Variants in IKZF1 observed in about 807,000 individuals in gnomAD.
IKZF1 encodes the protein IKAROS family zinc finger 1.
In IKZF1, 10 loss-of-function variants were observed where a neutral mutation model predicts 51.7. That is an observed-to-expected ratio of 0.19 (90% CI 0.12 to 0.33). The LOEUF is 0.33. Ranked by LOEUF, IKZF1 falls within the 10% of genes least tolerant of loss-of-function variation. The pLI is 1.00. For synonymous variants in IKZF1, 280 were observed against 282.3 expected, an observed-to-expected ratio of 0.99 and a Z score of 0.08; for missense variants, 484 against 707.5, an observed-to-expected ratio of 0.68 and a Z score of 3.58.
At chr7:50,353,454 G>A (rs2153433640) in intron 3 of IKZF1, among the ~76,000 whole-genome samples, 1 of 152,344 alleles carries the variant, frequency 6.6e-6, no homozygotes, top group Middle Eastern at 3.4e-3. Context: ...TTGTGGCCCT[G>A]TGAGGGAGAA....
At chr7:50,329,773 C>G (rs974156704) in intron 3 of IKZF1, among the ~76,000 whole-genome samples, 2 of 152,150 alleles carry the variant, frequency 1.3e-5, no homozygotes, top group African/African-American at 4.8e-5. Context: ...ATCCATTAAC[C>G]ATGTAAATGA....
At chr7:50,392,398 G>A (rs6964823) in intron 7 of IKZF1, among the ~76,000 whole-genome samples, 67,467 of 151,110 alleles carry the variant, frequency 0.45, 15,201 homozygotes, top group Non-Finnish European at 0.5. Context: ...TAAAAAAAAA[G>A]AAGAAGAAGA....
At chr7:50,343,409 A>T (rs1008853133) in intron 3 of IKZF1, among the ~76,000 whole-genome samples, 1 of 152,122 alleles carries the variant, frequency 6.6e-6, no homozygotes, top group Non-Finnish European at 1.5e-5. Context: ...TCTACAAGAC[A>T]TAGAGAAATG....
At chr7:50,367,784 A>G in intron 3 of IKZF1, 1 of 530,870 alleles carries the variant, frequency 1.9e-6, no homozygotes. Flanking sequence ...TTTATGGGAT[A>G]TAATGCTGTG....
intron 7 of IKZF1, among the ~76,000 whole-genome samples, chr7:50,395,064 GTTATA>G (rs990082577): frequency 6.6e-6 from 1 of 152,152 alleles, no homozygotes; most frequent in African/African-American, 2.4e-5. Flanking sequence ...AAGAAACCCT[GTTATA>G]TTGTTAAAAT....
At chr7:50,306,922 C>T (rs141274978) in intron 1 of IKZF1, among the ~76,000 whole-genome samples, 3 of 152,308 alleles carry the variant, frequency 2.0e-5, no homozygotes, top group South Asian at 4.1e-4. Context: ...CTTATACACA[C>T]ACTTCAAGAT....
intron 2 of IKZF1, 52 bp downstream of exon 2, chr7:50,319,153 G>A: frequency 6.6e-7 from 1 of 1,524,124 alleles, no homozygotes; most frequent in Non-Finnish European, 9.1e-7. Context: ...AAGCTTCCCT[G>A]GGGCCGGAAG....
chr7:50,389,738 T>C (rs894077325), intron 6 of IKZF1, among the ~76,000 whole-genome samples: 3 of 152,214 alleles, frequency 2.0e-5, no homozygotes, highest in African/African-American at 7.2e-5. Flanking sequence ...AAAAGGACTT[T>C]GACAGAAGTC....
chr7:50,337,513 T>G lies in IKZF1; in HGVS notation c.160+9756T>G, dbSNP rs969043557. 4.0e-3 allele frequency among the ~76,000 whole-genome samples: 602 copies of G among 152,246 alleles called. 12 individuals are homozygous for G. The East Asian group carries it at 0.048, about 12-fold the overall frequency. On this transcript the variant is annotated intron_variant, in intron 3 of 7. Coordinates refer to ENST00000331340, the MANE Select transcript of IKZF1 (RefSeq NM_006060.6). ...AGCACTGTTGCTCCTTGCCCTGCCT[T>G]ATAGCAGCAACGTCACCACTCGTAG...
chr7:50,361,639 A>G (rs887373108), intron 3 of IKZF1, among the ~76,000 whole-genome samples: 3 of 152,196 alleles, frequency 2.0e-5, no homozygotes, highest in Non-Finnish European at 4.4e-5. Context: ...GCACTTTGGG[A>G]GGCCGAGGTG....
chr7:50,319,302 G>T (rs1792470026), intron 2 of IKZF1, among the ~76,000 whole-genome samples: 1 of 151,948 alleles, frequency 6.6e-6, no homozygotes, highest in Non-Finnish European at 1.5e-5. Flanking sequence ...CCTCCAAGAT[G>T]AAATTAGTTT....
Position 50,376,900 on chromosome 7 carries a change from C to G in IKZF1, c.421+107C>G, listed in dbSNP as rs1480768558. 5.3e-6 allele frequency: 8 copies of G among 1,495,842 alleles called. No individual in the cohort carries two copies. The highest frequency in any genetic ancestry group is 2.3e-4 in the Middle Eastern group (1 of 4,380). 92.7% of individuals were successfully genotyped at this position (1,495,842 alleles called of 1,614,324 possible). A position where few individuals can be genotyped will look rare whatever the true frequency, so the allele number is the denominator to read the frequency against. ...GTGTTCTGAGCATGTTTCTAATTGACTGGTAGCTCAGTTGTTGCAAGCGAT... is the reference window on the plus strand; with the variant it reads ...GTGTTCTGAGCATGTTTCTAATTGAGTGGTAGCTCAGTTGTTGCAAGCGAT... On this transcript the variant is annotated intron_variant, in intron 4 of 7. Transcript: ENST00000331340. This position sits in a 1 kb window ranked among gnomAD's most constrained non-coding sequence, Gnocchi z 4.5.
chr7:50,345,694 A>G (rs1584643162), intron 3 of IKZF1, among the ~76,000 whole-genome samples: 2 of 152,376 alleles, frequency 1.3e-5, no homozygotes, highest in South Asian at 2.1e-4. Context: ...GCAGAAAGAA[A>G]AAAAAGGTAA....
intron 3 of IKZF1, among the ~76,000 whole-genome samples, chr7:50,341,135 G>A (rs945443178): frequency 7.2e-6 from 1 of 138,110 alleles, no homozygotes; most frequent in African/African-American, 2.7e-5. Flanking sequence ...TTAAATGTTG[G>A]GTATGGAGTC....
intron 4 of IKZF1, among the ~76,000 whole-genome samples, chr7:50,378,140 T>C (rs112112638): frequency 1.3e-5 from 2 of 152,362 alleles, no homozygotes; most frequent in African/African-American, 4.8e-5. Context: ...GGTTGTAATT[T>C]TTTATATTTG....
At chr7:50,387,846 T>C (rs1813876416) in intron 6 of IKZF1, among the ~76,000 whole-genome samples, 2 of 152,174 alleles carry the variant, frequency 1.3e-5, no homozygotes, top group Admixed American at 1.3e-4. Flanking sequence ...AAATGTAAAA[T>C]ATTGTTTTGA....
At chr7:50,309,612 C>T (rs1789672857) in intron 1 of IKZF1, among the ~76,000 whole-genome samples, 1 of 152,124 alleles carries the variant, frequency 6.6e-6, no homozygotes, top group African/African-American at 2.4e-5. Context: ...AAAATCTATA[C>T]CTTTAAAGCA....
At chr7:50,332,544 G>A (rs1201196688) in intron 3 of IKZF1, among the ~76,000 whole-genome samples, 11 of 152,144 alleles carry the variant, frequency 7.2e-5, no homozygotes, top group African/African-American at 2.7e-4. Flanking sequence ...AAACGGGATG[G>A]CCACCCCTGA....
rs142010565 is a variant in IKZF1, at chr7:50,305,189, A to G, written c.-15+267A>G. ...AGGAGAGGAGTTCTAGCTCCCAACC[A>G]TATTTAAATTTATGTAGACCTACAT... On this transcript the variant is annotated intron_variant, in intron 1 of 7. Transcript: ENST00000331340. Among the ~76,000 whole-genome samples, 238 of 152,276 alleles carry G rather than the reference A, an allele frequency of 1.6e-3. 1 individual carries two copies. The highest frequency in any genetic ancestry group is 5.5e-3 in the African/African-American group (230 of 41,554).
Sources: allele counts gnomAD v4.1 joint callset (sites outside exome capture counted in the v4.1 genomes callset), GRCh38; gene constraint gnomAD v4.1.1; non-coding constraint Gnocchi (gnomAD v3.1); transcripts MANE v1.5; gene names NCBI Gene and HGNC (gene_info 2026-07-23, HGNC 2026-07-21).